Variants in PRKCA observed in about 807,000 individuals in gnomAD.
PRKCA encodes protein kinase C alpha.
In PRKCA, 27 loss-of-function variants were observed where a neutral mutation model predicts 87.0. The observed-to-expected ratio is 0.31, with a 90% CI of 0.23 to 0.43. The LOEUF (loss-of-function observed/expected upper bound fraction) is 0.43. Ranked by LOEUF, PRKCA falls within the 20% of genes least tolerant of loss-of-function variation. The probability of loss-of-function intolerance (pLI) is 1.00; values close to 1 mark genes in which losing one functional copy is unlikely to be tolerated. For missense variants in PRKCA, 518 were observed against 852.3 expected (o/e 0.61, Z 4.88); for synonymous variants, 329 against 311.1 (o/e 1.06, Z -0.61).
intron 8 of PRKCA, among the ~76,000 whole-genome samples, chr17:66,704,172 A>C (rs1322215976): frequency 6.6e-6 from 1 of 152,158 alleles, no homozygotes; most frequent in Non-Finnish European, 1.5e-5. Context: ...AAAAAAAAAA[A>C]AAACAGGAAT....
chr17:66,388,678 GTACT>G (rs1442955409), intron 2 of PRKCA, among the ~76,000 whole-genome samples: 11 of 152,158 alleles, frequency 7.2e-5, no homozygotes, highest in African/African-American at 2.7e-4. Flanking sequence ...TATACATGAT[GTACT>G]TACCAAACAC....
At chr17:66,489,151 T>A (rs1241211644) in intron 2 of PRKCA, among the ~76,000 whole-genome samples, 1 of 151,914 alleles carries the variant, frequency 6.6e-6, no homozygotes, top group African/African-American at 2.4e-5. Context: ...GCAAAGTCTA[T>A]TATATTTAGT....
intron 2 of PRKCA, among the ~76,000 whole-genome samples, chr17:66,464,230 A>C (rs74966436): frequency 0.014 from 2,159 of 152,270 alleles, 48 homozygotes; most frequent in African/African-American, 0.049. Flanking sequence ...TTTAGTGCTA[A>C]ATAAGATTCT....
intron 2 of PRKCA, among the ~76,000 whole-genome samples, chr17:66,329,051 ACT>A (rs1380334328): frequency 6.6e-6 from 1 of 152,220 alleles, no homozygotes; most frequent in Non-Finnish European, 1.5e-5. Flanking sequence ...TGAAGAACTA[ACT>A]AGAAGTGGGC....
At chr17:66,771,285 G>A (rs567938333) in intron 13 of PRKCA, among the ~76,000 whole-genome samples, 4 of 152,256 alleles carry the variant, frequency 2.6e-5, no homozygotes, top group East Asian at 1.9e-4. Context: ...AATTACAGGC[G>A]TGAGCCACTG....
intron 8 of PRKCA, among the ~76,000 whole-genome samples, chr17:66,691,049 G>A (rs1265020622): frequency 2.0e-5 from 3 of 151,658 alleles, no homozygotes; most frequent in Non-Finnish European, 2.9e-5. Flanking sequence ...ACCTGGGCAC[G>A]AGAATCACTT....
intron 15 of PRKCA, among the ~76,000 whole-genome samples, chr17:66,787,538 T>A (rs1255921313): frequency 6.6e-6 from 1 of 152,222 alleles, no homozygotes; most frequent in Non-Finnish European, 1.5e-5. Flanking sequence ...ACTTAGTTCT[T>A]TCTTTGCTAC....
chr17:66,627,750 T>C (rs1970895963), intron 3 of PRKCA, among the ~76,000 whole-genome samples: 1 of 152,214 alleles, frequency 6.6e-6, no homozygotes, highest in South Asian at 2.1e-4. Context: ...CAGGTTCTCC[T>C]GTTTTACGGC....
At chr17:66,697,192 A>C (rs1292343438) in intron 8 of PRKCA, among the ~76,000 whole-genome samples, 1 of 152,234 alleles carries the variant, frequency 6.6e-6, no homozygotes, top group Non-Finnish European at 1.5e-5. Context: ...TCACATAATC[A>C]TAAATTCTAA....
chr17:66,585,228 C>T lies in PRKCA; in HGVS notation c.289-56127C>T, dbSNP rs572752743. Among the ~76,000 whole-genome samples, 85 of 152,256 alleles carry T rather than the reference C, an allele frequency of 5.6e-4. 2 individuals carry two copies. The South Asian group carries it at 0.017, about 31-fold the overall frequency. On this transcript the variant is annotated intron_variant, in intron 3 of 16. Transcript: ENST00000413366. ...GCAGGTGGGTTCTCTACCTGGCCAGCGCCATGTTGCCTGCTTCTTTATTGC... is the reference window on the plus strand; with the variant it reads ...GCAGGTGGGTTCTCTACCTGGCCAGTGCCATGTTGCCTGCTTCTTTATTGC...
intron 5 of PRKCA, among the ~76,000 whole-genome samples, chr17:66,664,936 G>A (rs1008701929): frequency 2.6e-5 from 4 of 151,942 alleles, no homozygotes; most frequent in East Asian, 1.9e-4. Flanking sequence ...CACTGTGCCC[G>A]GCTCATTGCA....
intron 2 of PRKCA, among the ~76,000 whole-genome samples, chr17:66,418,162 A>G (rs999489491): frequency 3.3e-5 from 5 of 152,200 alleles, no homozygotes; most frequent in African/African-American, 4.8e-5. Flanking sequence ...GCTGAAAAAG[A>G]TGGGAATGGC....
At chr17:66,627,036 A>G (rs1374527456) in intron 3 of PRKCA, among the ~76,000 whole-genome samples, 8 of 152,202 alleles carry the variant, frequency 5.3e-5, no homozygotes, top group Admixed American at 2.0e-4. Context: ...TAAAGACTAG[A>G]CATTTGTTGT....
At chr17:66,641,235 C>G in intron 3 of PRKCA, 120 bp from the exon 4 acceptor site, 2 of 614,426 alleles carry the variant, frequency 3.3e-6, no homozygotes, top group Non-Finnish European at 5.9e-6. Flanking sequence ...GAATGATGCA[C>G]AGTCTGGTGT....
rs1038606242 is a variant in PRKCA at position 66,641,434 on chromosome 17, A to G, written c.368A>G (p.Tyr123Cys). ...TGCGATCACTGTGGGTCACTGCTCTATGGACTTATCCATCAAGGGATGAAA... is the reference window on the plus strand; with the variant it reads ...TGCGATCACTGTGGGTCACTGCTCTGTGGACTTATCCATCAAGGGATGAAA... ...TFCDHCGSLLYGLIHQGMKCD... is the reference protein window; with the variant it reads ...TFCDHCGSLLCGLIHQGMKCD... Residue 123 changes from tyrosine to cysteine, a missense_variant, in exon 4 of 17, where the codon TAT becomes TGT. Tyr to Cys is a radical substitution (Grantham distance 194, BLOSUM62 -2). This residue lies in a region of PRKCA where 300 missense variants were observed against 496.8 expected (regional missense o/e 0.60). Coordinates refer to ENST00000413366, the MANE Select transcript of PRKCA (RefSeq NM_002737.3). The G allele has an allele frequency of 2.5e-6, 4 of 1,610,376 alleles. No homozygotes were observed. Among genetic ancestry groups the G allele is most frequent in the Non-Finnish European group, 3.4e-6 (4 of 1,177,840 alleles).
At chr17:66,729,473 G>A (rs1212087125) in intron 8 of PRKCA, among the ~76,000 whole-genome samples, 2 of 152,158 alleles carry the variant, frequency 1.3e-5, no homozygotes, top group Middle Eastern at 3.2e-3. Context: ...AATCATTGCC[G>A]GGGCCAGTTT....
intron 2 of PRKCA, among the ~76,000 whole-genome samples, chr17:66,467,223 T>C (rs1470102744): frequency 2.6e-5 from 4 of 152,208 alleles, no homozygotes; most frequent in Non-Finnish European, 5.9e-5. Context: ...CATGGCATGG[T>C]ACATTCCAAT....
intron 2 of PRKCA, among the ~76,000 whole-genome samples, chr17:66,485,231 C>T (rs919431614): frequency 2.0e-5 from 3 of 152,138 alleles, no homozygotes; most frequent in African/African-American, 7.2e-5. Context: ...GATGCTCCCC[C>T]AAAACCTTGC....
chr17:66,312,898 C>T (rs1905148687), intron 2 of PRKCA, among the ~76,000 whole-genome samples: 1 of 151,872 alleles, frequency 6.6e-6, no homozygotes, highest in Admixed American at 6.6e-5. Context: ...ACCATGACAC[C>T]CAGCTGATTT....
Sources: gnomAD v4.1 joint callset for allele counts (sites outside exome capture counted in the v4.1 genomes callset) on GRCh38, gnomAD v4.1.1 for gene constraint, gnomAD v4.1.1 regional missense constraint, MANE v1.5 for transcripts, NCBI Gene and HGNC (gene_info 2026-07-23, HGNC 2026-07-21) for gene names.